NLK: variants seen among roughly 807,000 people sequenced by gnomAD.
NLK encodes the protein serine/threonine-protein kinase NLK.
A neutral mutation model predicts 59.0 loss-of-function variants in NLK; 11 were observed. The observed-to-expected ratio is 0.19, with a 90% CI of 0.12 to 0.31. The LOEUF is 0.31. Ranked by LOEUF, NLK falls within the 10% of genes least tolerant of loss-of-function variation. NLK has a pLI of 1.00. For synonymous variants in NLK, 235 were observed against 235.9 expected (o/e 1.00, Z 0.03); for missense variants, 410 against 661.1 (o/e 0.62, Z 4.16).
At chr17:28,061,025 T>A (rs1352042266) in intron 1 of NLK, among the ~76,000 whole-genome samples, 1 of 152,208 alleles carries the variant, frequency 6.6e-6, no homozygotes, top group Non-Finnish European at 1.5e-5. Flanking sequence ...AATGAAAATC[T>A]GTATCAGTGA....
At chr17:28,043,408 T>A in intron 1 of NLK, 77 bp downstream of exon 1, 2 of 1,270,902 alleles carry the variant, frequency 1.6e-6, no homozygotes, top group Non-Finnish European at 2.2e-6. Context: ...TCTCTAATGG[T>A]TGTCTCCATG....
chr17:28,083,731 TG>T (rs1910422553), intron 1 of NLK, among the ~76,000 whole-genome samples: 1 of 152,208 alleles, frequency 6.6e-6, no homozygotes, highest in African/African-American at 2.4e-5. Flanking sequence ...ATAAGTCTTG[TG>T]AACATTGTTT....
intron 6 of NLK, among the ~76,000 whole-genome samples, chr17:28,172,313 A>G (rs1908496860): frequency 6.6e-6 from 1 of 151,824 alleles, no homozygotes; most frequent in Admixed American, 6.6e-5. Context: ...ATTCCTTTAC[A>G]TGAGGAATTT....
chr17:28,042,956 A>C lies in NLK; in HGVS notation c.83A>C (p.His28Pro). 1 of 1,553,784 alleles carries C rather than the reference A, an allele frequency of 6.4e-7. No individual in the cohort carries two copies. The highest frequency in any genetic ancestry group is 1.4e-5 in the African/African-American group (1 of 73,264). ...ACATCTGCAGCAGCAGCAGGTCACC[A>C]CCACCACCATCACCACCACCTTCCA... is the stretch of plus-strand genomic sequence containing the variant. ...GGTSAAAAGH[H>P]HHHHHHLPHL... Residue 28 changes from histidine to proline, a missense_variant, in exon 1 of 11, where the codon CAC becomes CCC. Transcript: ENST00000407008.
At chr17:28,199,527 G>A (rs572810725), downstream of NLK, among the ~76,000 whole-genome samples, 10 of 151,996 alleles carry the variant, frequency 6.6e-5, no homozygotes, top group African/African-American at 1.7e-4. Context: ...TTAGCCAGGC[G>A]TGGTGATGGG....
At chr17:28,081,663 A>G (rs1338533600) in intron 1 of NLK, among the ~76,000 whole-genome samples, 2 of 152,198 alleles carry the variant, frequency 1.3e-5, no homozygotes, top group East Asian at 1.9e-4. Context: ...ACATGGGCCA[A>G]TGACGTGTAC....
At chr17:28,149,060 G>T (rs551204123) in intron 3 of NLK, among the ~76,000 whole-genome samples, 1 of 152,238 alleles carries the variant, frequency 6.6e-6, no homozygotes, top group South Asian at 2.1e-4. Flanking sequence ...TTTTCATGTT[G>T]TTGTTAAAAA....
At chr17:28,068,140 CAAAA>C (rs1183536787) in intron 1 of NLK, among the ~76,000 whole-genome samples, 1 of 69,874 alleles carries the variant, frequency 1.4e-5, no homozygotes. Context: ...GACTCCGTCT[CAAAA>C]AAAAAAAAAA....
At chr17:28,166,291 T>A (rs1316516544) in intron 5 of NLK, among the ~76,000 whole-genome samples, 1 of 152,212 alleles carries the variant, frequency 6.6e-6, no homozygotes, top group Non-Finnish European at 1.5e-5. Context: ...ATGGTTTATC[T>A]GTATAGTATG....
rs1171733975 is a variant in NLK, at chr17:28,111,572, A to G, written c.459-11031A>G. 5.3e-5 allele frequency among the ~76,000 whole-genome samples: 8 copies of G among 152,214 alleles called. No individual in the cohort carries two copies. The East Asian group carries it at 9.7e-4, about 18-fold the overall frequency. ...AATCTTTTTGCTAAAAACTGGACGT[A>G]TTAGATAATACAGTGTAACAGCTCT... On this transcript the variant is annotated intron_variant, in intron 1 of 10. Transcript: ENST00000407008.
intron 3 of NLK, among the ~76,000 whole-genome samples, chr17:28,156,657 T>A (rs1245420943): frequency 6.6e-6 from 1 of 152,236 alleles, no homozygotes. Flanking sequence ...TGCTTCTTCA[T>A]AATGTCTTGT....
chr17:28,105,378 A>G (rs897783710), intron 1 of NLK, among the ~76,000 whole-genome samples: 10 of 152,144 alleles, frequency 6.6e-5, no homozygotes, highest in African/African-American at 2.4e-4. Context: ...GAGATTTCAT[A>G]GTTTGTGTAT....
intron 1 of NLK, among the ~76,000 whole-genome samples, chr17:28,053,709 T>C (rs2142738172): frequency 6.6e-6 from 1 of 152,310 alleles, no homozygotes; most frequent in Admixed American, 6.5e-5. Context: ...ATAGATAAAA[T>C]TAGTCATTTG....
At chr17:28,117,101 C>T (rs1403779829) in intron 1 of NLK, among the ~76,000 whole-genome samples, 1 of 152,174 alleles carries the variant, frequency 6.6e-6, no homozygotes, top group African/African-American at 2.4e-5. Flanking sequence ...CACCCTCTAA[C>T]ATGAGAAAAT....
chr17:28,104,428 G>GT (rs879686480), intron 1 of NLK, among the ~76,000 whole-genome samples: 12 of 151,872 alleles, frequency 7.9e-5, no homozygotes, highest in Non-Finnish European at 1.5e-4. Context: ...GCTAATTTTT[G>GT]TTTTTTTAGT....
chr17:28,167,784 G>A (rs1233448955), intron 5 of NLK, among the ~76,000 whole-genome samples: 3 of 151,548 alleles, frequency 2.0e-5, no homozygotes, highest in Admixed American at 6.6e-5. Context: ...GCCTCAGATC[G>A]ATCACGCCAC....
intron 1 of NLK, among the ~76,000 whole-genome samples, chr17:28,105,114 T>C (rs1905032257): frequency 6.6e-6 from 1 of 152,220 alleles, no homozygotes. Flanking sequence ...TGTTTTCAGC[T>C]ACATTCTACA....
At chr17:28,045,299 T>C (rs1597649225) in intron 1 of NLK, among the ~76,000 whole-genome samples, 1 of 152,362 alleles carries the variant, frequency 6.6e-6, no homozygotes, top group East Asian at 1.9e-4. Flanking sequence ...CCTTTTCTCC[T>C]CAGCGCCTAG....
At chr17:28,161,908 A>G (rs1458299074) in intron 4 of NLK, among the ~76,000 whole-genome samples, 1 of 152,158 alleles carries the variant, frequency 6.6e-6, no homozygotes, top group Non-Finnish European at 1.5e-5. Flanking sequence ...TAAACCTGAA[A>G]CAGCTTTCTT....
Sources: allele counts gnomAD v4.1 joint callset (sites outside exome capture counted in the v4.1 genomes callset), GRCh38; gene constraint gnomAD v4.1.1; transcripts MANE v1.5; gene names NCBI Gene and HGNC (gene_info 2026-07-23, HGNC 2026-07-21).